The following ATP7B variants were observed in gnomAD, a reference collection of about 807,000 sequenced individuals.
The protein encoded by ATP7B is copper-transporting ATPase 2.
ATP7B carries 113 observed loss-of-function variants against 118.9 expected under a neutral mutation model. That is an observed-to-expected ratio of 0.95 (90% CI 0.82 to 1.11). The LOEUF is 1.11. Among genes scored for constraint, ATP7B ranks in the 50% most tolerant of loss-of-function variants. The pLI is 0.00. For missense variants in ATP7B, 1,867 were observed against 1,871.4 expected, an observed-to-expected ratio of 1.00 and a Z score of 0.04; for synonymous variants, 777 against 727.4, an observed-to-expected ratio of 1.07 and a Z score of -1.10.
intron 17 of ATP7B, 147 bp downstream of exon 17, chr13:51,938,904 G>T: frequency 7.7e-7 from 1 of 1,301,736 alleles, no homozygotes; most frequent in Non-Finnish European, 1.1e-6. Flanking sequence ...ACACTACATG[G>T]CCACAGAATG....
chr13:51,936,830 G>A (rs1290135601), intron 19 of ATP7B, among the ~76,000 whole-genome samples: 1 of 152,190 alleles, frequency 6.6e-6, no homozygotes, highest in East Asian at 1.9e-4. Context: ...CCTGGTCAAA[G>A]AGCCATTTCT....
At chr13:52,006,401 A>G (rs1463927835) in intron 1 of ATP7B, among the ~76,000 whole-genome samples, 4 of 152,230 alleles carry the variant, frequency 2.6e-5, no homozygotes, top group Non-Finnish European at 5.9e-5. Context: ...TGTTGCTGCT[A>G]AAACGACCAC....
chr13:51,993,558 G>T (rs770344037), intron 1 of ATP7B, among the ~76,000 whole-genome samples: 1 of 152,008 alleles, frequency 6.6e-6, no homozygotes, highest in Non-Finnish European at 1.5e-5. Flanking sequence ...AAGAGACCAT[G>T]TCCCAAAATA....
At position 52,011,270 on chromosome 13, in the gene ATP7B, G is replaced by C; in HGVS notation, c.51+17C>G. The C allele has an allele frequency of 6.2e-7, 1 of 1,614,170 alleles. No individual in the cohort carries two copies. Among genetic ancestry groups the C allele is most frequent in the Non-Finnish European group, 8.5e-7 (1 of 1,179,978 alleles). On this transcript the variant is annotated intron_variant, in intron 1 of 20. Coordinates refer to ENST00000242839, the MANE Select transcript of ATP7B (RefSeq NM_000053.4). ...GGGAGTGAGCACGCTGCGCGGACGC[G>C]GGGGAACAAAACTCACTTTCCGACT...
intron 9 of ATP7B, among the ~76,000 whole-genome samples, chr13:51,955,511 C>T (rs943247366): frequency 2.0e-5 from 3 of 152,206 alleles, no homozygotes; most frequent in Non-Finnish European, 4.4e-5. Flanking sequence ...AAAAATGAAT[C>T]GGCATTCTTG....
intron 1 of ATP7B, among the ~76,000 whole-genome samples, chr13:51,997,620 G>A (rs1264709215): frequency 6.6e-6 from 1 of 152,170 alleles, no homozygotes; most frequent in Non-Finnish European, 1.5e-5. Flanking sequence ...ATCACCAGGA[G>A]TTTCTGAGGA....
At position 51,974,285 on chromosome 13, in the gene ATP7B, T is replaced by C; in HGVS notation, c.935A>G (p.Gln312Arg). Residue 312 changes from glutamine (Q) to arginine (R), a missense_variant, in exon 2 of 21, where the codon CAG becomes CGG. Physicochemically the swap from Gln to Arg is conservative, Grantham distance 43. Coordinates refer to ENST00000242839, the MANE Select transcript of ATP7B (RefSeq NM_000053.4). Reference protein sequence around the residue: ...DPSCTSPVALQRAIEALPPGN... With the variant: ...DPSCTSPVALRRAIEALPPGN... ...AGGTGGAAGTGCCTCGATAGCCCTC[T>C]GCAGAGCCACTGGGCTGGTACAAGA... is the stretch of plus-strand genomic sequence containing the variant. 1 of 1,614,176 alleles carries C rather than the reference T, an allele frequency of 6.2e-7. No homozygotes were observed. Among genetic ancestry groups the C allele is most frequent in the Admixed American group, 1.7e-5 (1 of 60,024 alleles).
chr13:51,986,757 G>C (rs1952668838), intron 1 of ATP7B, among the ~76,000 whole-genome samples: 1 of 152,164 alleles, frequency 6.6e-6, no homozygotes, highest in African/African-American at 2.4e-5. Context: ...AGCAAGGCTG[G>C]TTCAACACAT....
At chr13:52,003,487 C>T (rs1953620896) in intron 1 of ATP7B, among the ~76,000 whole-genome samples, 1 of 152,056 alleles carries the variant, frequency 6.6e-6, no homozygotes, top group South Asian at 2.1e-4. Flanking sequence ...TCACAGATCA[C>T]CGTAACAGAT....
intron 19 of ATP7B, among the ~76,000 whole-genome samples, chr13:51,936,504 C>T (rs1956972811): frequency 1.3e-5 from 2 of 152,056 alleles, no homozygotes; most frequent in South Asian, 4.2e-4. Context: ...GGGGGAATTA[C>T]AAAGCAGAAA....
intron 1 of ATP7B, among the ~76,000 whole-genome samples, chr13:51,984,343 A>T: frequency 6.6e-6 from 1 of 152,168 alleles, no homozygotes; most frequent in Non-Finnish European, 1.5e-5. Flanking sequence ...TAATGAAATA[A>T]AGCGTGAAGA....
At chr13:51,945,981 G>A (rs1392504322) in intron 13 of ATP7B, among the ~76,000 whole-genome samples, 3 of 152,160 alleles carry the variant, frequency 2.0e-5, no homozygotes, top group South Asian at 2.1e-4. Context: ...AGCTGCAGGC[G>A]TTTGGTCAAG....
intron 2 of ATP7B, among the ~76,000 whole-genome samples, chr13:51,973,674 C>G (rs1244887470): frequency 1.3e-5 from 2 of 152,214 alleles, no homozygotes; most frequent in African/African-American, 4.8e-5. Flanking sequence ...ATAAATTACC[C>G]AAATTCAGCC....
intron 1 of ATP7B, among the ~76,000 whole-genome samples, chr13:52,002,938 T>C (rs897747629): frequency 6.6e-6 from 1 of 152,256 alleles, no homozygotes; most frequent in African/African-American, 2.4e-5. Context: ...ATGGTCTTTC[T>C]GCTAGTGGAA....
intron 1 of ATP7B, among the ~76,000 whole-genome samples, chr13:52,000,143 T>G (rs1029168502): frequency 7.2e-5 from 11 of 152,186 alleles, no homozygotes; most frequent in Non-Finnish European, 2.9e-5. Flanking sequence ...AGGAGAAGTA[T>G]ACCTTTCTTA....
intron 1 of ATP7B, among the ~76,000 whole-genome samples, chr13:51,987,052 T>C (rs868582171): frequency 1.3e-5 from 2 of 152,168 alleles, no homozygotes; most frequent in African/African-American, 2.4e-5. Context: ...CAACACAGTA[T>C]TGGAAGTTCT....
At chr13:51,976,971 AC>A (rs1952150070) in intron 1 of ATP7B, among the ~76,000 whole-genome samples, 1 of 152,214 alleles carries the variant, frequency 6.6e-6, no homozygotes, top group South Asian at 2.1e-4. Context: ...AACTTAGGCT[AC>A]ACTAAATTTA....
chr13:51,934,804 G>A lies in ATP7B; in HGVS notation c.4350C>T (p.Asp1450=), dbSNP rs1267030432. ...TGCCATTCAGGAGCAGAGACCACTT[G>A]TCCCCATCATCGTCTGCTGCAGCGC... ...RHSAAADDDG[D]KWSLLLNGRD... Residue 1450 remains aspartate, a synonymous_variant, in exon 21 of 21, where the codon GAC becomes GAT. Transcript: ENST00000242839. 1 of 1,614,136 alleles carries A rather than the reference G, an allele frequency of 6.2e-7. No individual in the cohort carries two copies. Among genetic ancestry groups the A allele is most frequent in the Non-Finnish European group, 8.5e-7 (1 of 1,180,046 alleles).
Position 51,939,168 on chromosome 13 carries a change from G to A in ATP7B, c.3582C>T (p.Ile1194=), listed in dbSNP as rs761183334. The change falls in exon 17 of 21, where the codon ATC becomes ATT. Residue 1194 remains isoleucine (I), a synonymous_variant. Transcript: ENST00000242839. ...CAGCCTCCTGCTTGACAGCGTCTGCGATTGCGATCATCCCACAGAGCACAC... is the reference window on the plus strand; with the variant it reads ...CAGCCTCCTGCTTGACAGCGTCTGCAATTGCGATCATCCCACAGAGCACAC... The part of the protein sequence containing the change: ...IDGVLCGMIA[I]ADAVKQEAAL... 2.1e-5 allele frequency: 34 copies of A among 1,613,738 alleles called. No homozygotes were observed. The highest frequency in any genetic ancestry group is 4.0e-5 in the African/African-American group (3 of 74,926).
Sources: allele counts gnomAD v4.1 joint callset (sites outside exome capture counted in the v4.1 genomes callset), GRCh38; gene constraint gnomAD v4.1.1; transcripts MANE v1.5; gene names NCBI Gene and HGNC (gene_info 2026-07-23, HGNC 2026-07-21).